Variants in ARHGAP8 observed in about 807,000 individuals in gnomAD.
The protein encoded by ARHGAP8 is rho GTPase-activating protein 8.
In ARHGAP8, 62 loss-of-function variants were observed where a neutral mutation model predicts 46.1. The observed-to-expected ratio is 1.34, with a 90% confidence interval of 1.10 to 1.66. The LOEUF is 1.66. Among genes scored for constraint, ARHGAP8 ranks in the 40% most tolerant of loss-of-function variants. The pLI is 0.00. For missense variants in ARHGAP8, 923 were observed against 568.4 expected (o/e 1.62, Z -6.34); for synonymous variants, 375 against 243.1 (o/e 1.54, Z -5.05).
chr22:44,816,851 C>G (rs1015464173), intron 5 of ARHGAP8, among the ~76,000 whole-genome samples: 1 of 147,270 alleles, frequency 6.8e-6, no homozygotes, highest in African/African-American at 2.5e-5. Flanking sequence ...CGGCTTGGAG[C>G]CTTTCTTTTC....
chr22:44,859,899 A>C (rs2882262), intron 11 of ARHGAP8, 65 bp downstream of exon 11: 15 of 1,563,772 alleles, frequency 9.6e-6, no homozygotes, highest in African/African-American at 5.4e-5. Flanking sequence ...CTGGGCCCGC[A>C]TGGACCAGTC....
chr22:44,784,294 C>G (rs1255544503), intron 1 of ARHGAP8, among the ~76,000 whole-genome samples: 1 of 152,084 alleles, frequency 6.6e-6, no homozygotes, highest in East Asian at 1.9e-4. Flanking sequence ...ATTCCAGCTA[C>G]TCAGGAGGCT....
At chr22:44,800,594 G>C (rs1387793276) in intron 2 of ARHGAP8, among the ~76,000 whole-genome samples, 753 of 71,560 alleles carry the variant, frequency 0.011, 6 homozygotes, top group African/African-American at 0.042. Flanking sequence ...TGTGTGGGGG[G>C]CGCCCCTCCC....
intron 1 of ARHGAP8, among the ~76,000 whole-genome samples, chr22:44,771,556 T>G (rs116957356): frequency 0.19 from 27,064 of 144,474 alleles, 2,601 homozygotes; most frequent in Middle Eastern, 0.23. Context: ...TTTTTTTTTA[T>G]TTTTTATTTT....
intron 11 of ARHGAP8, among the ~76,000 whole-genome samples, chr22:44,862,010 G>GAGAT (rs1200202388): frequency 1.3e-5 from 2 of 152,212 alleles, no homozygotes; most frequent in Non-Finnish European, 2.9e-5. Context: ...AGTGGAAGAG[G>GAGAT]AGATAGTGGG....
intron 7 of ARHGAP8, among the ~76,000 whole-genome samples, chr22:44,830,791 G>A (rs181781754): frequency 1.4e-3 from 211 of 151,708 alleles, no homozygotes; most frequent in South Asian, 0.013. Context: ...CACCCATCTC[G>A]GCCTCCCAAA....
intron 7 of ARHGAP8, among the ~76,000 whole-genome samples, chr22:44,829,120 A>G: frequency 1.0e-5 from 1 of 96,328 alleles, no homozygotes; most frequent in Non-Finnish European, 2.4e-5. Flanking sequence ...TAAAAATACA[A>G]AAAAAAAAAA....
rs368939870 is a variant in ARHGAP8 at position 44,763,995 on chromosome 22, G to C, written c.-72+11368G>C. On this transcript the variant is annotated intron_variant, in intron 1 of 11. Transcript: ENST00000356099. ...CTGGCTAATTTTTTTTGTATTTTTA[G>C]TAGAGACGGGGTTTCACCGTGTTAG... Among the ~76,000 whole-genome samples, 9 of 151,998 alleles carry C rather than the reference G, an allele frequency of 5.9e-5. No homozygotes were observed. The South Asian group carries it at 1.5e-3, about 25-fold the overall frequency.
chr22:44,862,441 C>G lies in ARHGAP8; in HGVS notation c.1148C>G (p.Thr383Ser). 6.2e-7 allele frequency: 1 copy of G among 1,614,104 alleles called. No homozygotes were observed. The highest frequency in any genetic ancestry group is 8.5e-7 in the Non-Finnish European group (1 of 1,180,014). The change falls in exon 12 of 12, where the codon ACC (threonine) becomes AGC (serine). Residue 383 changes from threonine (T) to serine (S), a missense_variant. Coordinates refer to ENST00000356099, the MANE Select transcript of ARHGAP8 (RefSeq NM_181335.3). ...GAGTACTATGAAAAGATCTTCAGCA[C>G]CCCGGAGGCACCTGGGGAGCACGGC... is the stretch of plus-strand genomic sequence containing the variant. ...LIEYYEKIFS[T>S]PEAPGEHGLA...
chr22:44,831,205 G>A (rs910676216), intron 7 of ARHGAP8, among the ~76,000 whole-genome samples: 2 of 152,114 alleles, frequency 1.3e-5, no homozygotes, highest in Admixed American at 6.6e-5. Flanking sequence ...TTTGTCGCTT[G>A]TGCTTTTGGT....
intron 2 of ARHGAP8, among the ~76,000 whole-genome samples, chr22:44,792,830 T>G (rs974349325): frequency 2.0e-4 from 9 of 45,104 alleles, no homozygotes; most frequent in Admixed American, 4.6e-4. Flanking sequence ...GTTTTTTTGG[T>G]TTTTTTTTTT....
chr22:44,801,994 C>T, intron 2 of ARHGAP8, 83 bp from the exon 3 acceptor site: 1 of 1,563,744 alleles, frequency 6.4e-7, no homozygotes, highest in Non-Finnish European at 8.8e-7. Context: ...GCTGGACTGG[C>T]CAAGGAGGCT....
intron 10 of ARHGAP8, among the ~76,000 whole-genome samples, chr22:44,852,695 G>A (rs2070126761): frequency 2.0e-5 from 3 of 152,156 alleles, no homozygotes; most frequent in Non-Finnish European, 4.4e-5. Context: ...GGAGTAGGGT[G>A]ACTACCTAAG....
Position 44,862,682 on chromosome 22 carries a change from A to T in ARHGAP8, c.*87A>T. On this transcript the variant is annotated 3_prime_UTR_variant, in exon 12 of 12. Coordinates refer to ENST00000356099, the MANE Select transcript of ARHGAP8 (RefSeq NM_181335.3). ...TTGTAAACTTGGCATCTGTAAAAAT[A>T]ACCAGCCATTAGATGAATTCAGAAC... is the stretch of plus-strand genomic sequence containing the variant. The T allele has an allele frequency of 2.1e-6, 3 of 1,447,296 alleles. No individual in the cohort carries two copies. The highest frequency in any genetic ancestry group is 2.7e-6 in the Non-Finnish European group (3 of 1,093,472). The allele number at this position is 1,447,296 out of a possible 1,614,324, so 89.7% of individuals were successfully genotyped here. A position where few individuals can be genotyped will look rare whatever the true frequency, so the allele number is the denominator to read the frequency against.
chr22:44,824,042 G>A (rs1930335837), intron 6 of ARHGAP8, among the ~76,000 whole-genome samples: 1 of 152,140 alleles, frequency 6.6e-6, no homozygotes, highest in Non-Finnish European at 1.5e-5. Context: ...CTTCTAGACT[G>A]GGGGTGGGGC....
intron 2 of ARHGAP8, among the ~76,000 whole-genome samples, chr22:44,792,938 C>T (rs964228561): frequency 1.3e-5 from 2 of 151,998 alleles, no homozygotes; most frequent in Admixed American, 6.6e-5. Flanking sequence ...ATTCTCCTGC[C>T]TCAGCCTCCT....
intron 1 of ARHGAP8, chr22:44,786,035 C>A (rs1927193611): frequency 9.4e-6 from 2 of 213,140 alleles, no homozygotes; most frequent in East Asian, 1.2e-4. Flanking sequence ...CAGTATCTGA[C>A]CCTTAGGTCT....
At chr22:44,822,029 CCCCCTGT>C (rs1343971818) in intron 5 of ARHGAP8, among the ~76,000 whole-genome samples, 2 of 152,216 alleles carry the variant, frequency 1.3e-5, no homozygotes, top group Admixed American at 6.5e-5. Flanking sequence ...TGGCTTAGTG[CCCCCTGT>C]CTAGCCTGCA....
chr22:44,760,996 A>G (rs905027980), intron 1 of ARHGAP8, among the ~76,000 whole-genome samples: 1 of 152,158 alleles, frequency 6.6e-6, no homozygotes, highest in African/African-American at 2.4e-5. Context: ...TTCTGCTCTG[A>G]AGCCCACTGG....
Sources: gnomAD v4.1 joint callset for allele counts (sites outside exome capture counted in the v4.1 genomes callset) on GRCh38, gnomAD v4.1.1 for gene constraint, MANE v1.5 for transcripts, NCBI Gene and HGNC (gene_info 2026-07-23, HGNC 2026-07-21) for gene names.